EPHA6: variants seen among roughly 807,000 people sequenced by gnomAD.
EPHA6 encodes ephrin type-A receptor 6.
Under a neutral mutation model 112.0 loss-of-function variants are expected in EPHA6, and 50 were observed. The ratio of observed to expected loss-of-function variants is 0.45; its 90% CI spans 0.36 to 0.56. The LOEUF is 0.56. EPHA6 is among the 20% of genes least tolerant of loss of function. The probability of loss-of-function intolerance (pLI) is 0.00; values close to 1 mark genes in which losing one functional copy is unlikely to be tolerated. For synonymous variants in EPHA6, 529 were observed against 490.7 expected (o/e 1.08, Z -1.03); for missense variants, 1,280 against 1,417.4 (o/e 0.90, Z 1.56).
chr3:97,441,499 C>G (rs999596325), intron 6 of EPHA6: 15 of 852,270 alleles, frequency 1.8e-5, no homozygotes, highest in Non-Finnish European at 2.1e-5. Context: ...TATATTTAAC[C>G]ATAACACAAT....
chr3:97,102,182 A>T (rs151012892), intron 3 of EPHA6, among the ~76,000 whole-genome samples: 1 of 152,156 alleles, frequency 6.6e-6, no homozygotes, highest in African/African-American at 2.4e-5. Flanking sequence ...CATTTAGGTA[A>T]TCTATCTCCA....
At chr3:97,187,582 C>CAA (rs756097255) in intron 3 of EPHA6, among the ~76,000 whole-genome samples, 7 of 26,602 alleles carry the variant, frequency 2.6e-4, no homozygotes, top group Non-Finnish European at 3.9e-4. Context: ...CTCAAAACGT[C>CAA]AAAAAAAAAA....
chr3:97,255,221 G>A (rs1418144554), intron 5 of EPHA6, among the ~76,000 whole-genome samples: 1 of 151,434 alleles, frequency 6.6e-6, no homozygotes, highest in Non-Finnish European at 1.5e-5. Flanking sequence ...TCTCTCAAAT[G>A]AGTGCTATGA....
intron 2 of EPHA6, among the ~76,000 whole-genome samples, chr3:96,906,439 C>T (rs1319473119): frequency 1.3e-5 from 2 of 151,992 alleles, no homozygotes; most frequent in African/African-American, 2.4e-5. Context: ...ACACCTACTC[C>T]GCAATGCATC....
chr3:97,118,238 A>G (rs945400086), intron 3 of EPHA6, among the ~76,000 whole-genome samples: 2 of 151,770 alleles, frequency 1.3e-5, no homozygotes, highest in African/African-American at 2.4e-5. Flanking sequence ...TCAGAATGCT[A>G]TATAATCTGT....
intron 3 of EPHA6, among the ~76,000 whole-genome samples, chr3:97,137,023 AC>A (rs1217387353): frequency 6.6e-6 from 1 of 152,138 alleles, no homozygotes; most frequent in Non-Finnish European, 1.5e-5. Flanking sequence ...TTTCTACATC[AC>A]CTGAAAAGAA....
intron 2 of EPHA6, among the ~76,000 whole-genome samples, chr3:96,871,182 GTTAA>G (rs1057514129): frequency 1.1e-4 from 17 of 151,878 alleles, no homozygotes; most frequent in East Asian, 3.9e-4. Flanking sequence ...ATTAGGTTTT[GTTAA>G]TTAATCAATT....
chr3:97,345,018 T>C (rs2083470355), intron 5 of EPHA6, among the ~76,000 whole-genome samples: 1 of 151,972 alleles, frequency 6.6e-6, no homozygotes. Context: ...AAATTCTGGA[T>C]TGCTTAACTT....
intron 10 of EPHA6, among the ~76,000 whole-genome samples, chr3:97,499,488 T>C (rs1349038267): frequency 1.3e-5 from 2 of 152,190 alleles, no homozygotes; most frequent in Non-Finnish European, 2.9e-5. Context: ...AACAAGGATA[T>C]GCTCTGAGAA....
At chr3:97,363,210 A>G (rs1183728652) in intron 5 of EPHA6, among the ~76,000 whole-genome samples, 1 of 87,632 alleles carries the variant, frequency 1.1e-5, no homozygotes, top group Non-Finnish European at 2.0e-5. Flanking sequence ...ATATATATAT[A>G]TATATATATA....
intron 11 of EPHA6, among the ~76,000 whole-genome samples, chr3:97,573,563 T>A (rs1381875167): frequency 2.0e-5 from 3 of 151,998 alleles, no homozygotes; most frequent in Non-Finnish European, 4.4e-5. Context: ...ACCAGTATGA[T>A]GAGATTTTTA....
At chr3:96,821,822 C>T (rs1429825039) in intron 1 of EPHA6, among the ~76,000 whole-genome samples, 1 of 151,680 alleles carries the variant, frequency 6.6e-6, no homozygotes, top group Non-Finnish European at 1.5e-5. Context: ...CACTCAGCAA[C>T]CATAGATTTA....
chr3:97,323,091 ATACTC>A (rs1292315087), intron 5 of EPHA6, among the ~76,000 whole-genome samples: 8 of 152,098 alleles, frequency 5.3e-5, no homozygotes, highest in African/African-American at 1.7e-4. Context: ...TTTGAACAAA[ATACTC>A]TACACCACAT....
intron 4 of EPHA6, among the ~76,000 whole-genome samples, chr3:97,233,434 C>T (rs1239109452): frequency 1.3e-5 from 2 of 151,874 alleles, no homozygotes; most frequent in Non-Finnish European, 2.9e-5. Context: ...AACAATTACA[C>T]TTAAGAGGTT....
intron 3 of EPHA6, among the ~76,000 whole-genome samples, chr3:97,105,825 T>A (rs1237048786): frequency 6.6e-6 from 1 of 152,198 alleles, no homozygotes; most frequent in African/African-American, 2.4e-5. Context: ...GTTTTATGAA[T>A]CTGGGTGCTT....
chr3:97,659,346 G>A (rs1278558879), intron 14 of EPHA6, among the ~76,000 whole-genome samples: 1 of 151,962 alleles, frequency 6.6e-6, no homozygotes, highest in East Asian at 1.9e-4. Context: ...AAAACATGCA[G>A]GCTTTTCGGT....
At chr3:97,053,892 C>T (rs79548337) in intron 3 of EPHA6, among the ~76,000 whole-genome samples, 2,110 of 152,058 alleles carry the variant, frequency 0.014, 58 homozygotes, top group African/African-American at 0.048. Flanking sequence ...CTTAGAGAAA[C>T]GCTCAAATTA....
intron 5 of EPHA6, among the ~76,000 whole-genome samples, chr3:97,378,205 AG>A (rs1271550110): frequency 6.6e-6 from 1 of 152,142 alleles, no homozygotes; most frequent in Non-Finnish European, 1.5e-5. Flanking sequence ...GCCACCACAG[AG>A]CTCAGTCTGT....
At chr3:97,168,619 C>CTCTCTT (rs58997997) in intron 3 of EPHA6, among the ~76,000 whole-genome samples, 64,196 of 151,078 alleles carry the variant, frequency 0.42, 17,565 homozygotes, top group African/African-American at 0.78. Flanking sequence ...GTCTCTGTCT[C>CTCTCTT]TCTCTTTCTC....
Sources: gnomAD v4.1 joint callset for allele counts (sites outside exome capture counted in the v4.1 genomes callset) on GRCh38, gnomAD v4.1.1 for gene constraint, MANE v1.5 for transcripts, NCBI Gene and HGNC (gene_info 2026-07-23, HGNC 2026-07-21) for gene names.